The following NFATC1 variants were observed in gnomAD, a reference collection of about 807,000 sequenced individuals.
NFATC1 encodes the protein nuclear factor of activated T cells 1, also known as nuclear factor of activated T-cells, cytoplasmic 1.
In NFATC1, 22 loss-of-function variants were observed where a neutral mutation model predicts 76.0. The ratio of observed to expected loss-of-function variants is 0.29; its 90% CI spans 0.21 to 0.41. NFATC1 has a LOEUF of 0.41. NFATC1 is among the 10% of genes least tolerant of loss of function. The pLI is 1.00. For synonymous variants in NFATC1, 704 were observed against 613.1 expected, an observed-to-expected ratio of 1.15 and a Z score of -2.19; for missense variants, 1,357 against 1,337.7, an observed-to-expected ratio of 1.01 and a Z score of -0.23.
At chr18:79,497,802 C>T (rs901988120) in intron 9 of NFATC1, 1 of 151,036 alleles carries the variant, frequency 6.6e-6, no homozygotes, top group African/African-American at 2.5e-5. Flanking sequence ...AGGGAGGAGA[C>T]TGGCTTCGTG....
chr18:79,512,795 TGTGTCAGGGAG>T (rs2090289032), intron 9 of NFATC1, among the ~76,000 whole-genome samples: 2 of 152,214 alleles, frequency 1.3e-5, no homozygotes, highest in Non-Finnish European at 2.9e-5. Context: ...AGCCCCTGTA[TGTGTCAGGGAG>T]GTCCTGAGGG....
At chr18:79,461,923 G>A (rs73969287) in intron 7 of NFATC1, among the ~76,000 whole-genome samples, 11,008 of 152,302 alleles carry the variant, frequency 0.072, 1,283 homozygotes, top group African/African-American at 0.24. Context: ...GAGCCTGGGC[G>A]TGGCTCCTGG....
Position 79,486,303 on chromosome 18 carries a change from A to G in NFATC1, c.2148A>G (p.Gly716=). The part of the protein sequence containing the change: ...TDDYEPAPTC[G]PVSQGLSPLP... ...ATTATGAGCCTGCTCCAACCTGTGG[A>G]CCGGTGAGCCAGGGGTTAAGTCCTC... is the stretch of plus-strand genomic sequence containing the variant. Residue 716 remains glycine (G), a synonymous_variant, in exon 9 of 10, where the codon GGA becomes GGG. Transcript: ENST00000427363. The G allele has an allele frequency of 6.2e-7, 1 of 1,613,150 alleles. No individual in the cohort carries two copies. The highest frequency in any genetic ancestry group is 8.5e-7 in the Non-Finnish European group (1 of 1,179,958).
chr18:79,477,367 G>A (rs2089115188), intron 8 of NFATC1, among the ~76,000 whole-genome samples: 1 of 152,220 alleles, frequency 6.6e-6, no homozygotes, highest in Non-Finnish European at 1.5e-5. Context: ...TAAAAATGTG[G>A]GCATGGGGGA....
intron 2 of NFATC1, among the ~76,000 whole-genome samples, chr18:79,417,066 G>C (rs1047800011): frequency 2.0e-5 from 3 of 152,242 alleles, no homozygotes; most frequent in African/African-American, 7.2e-5. Context: ...GCGCAAGCCA[G>C]ACGGTCCCCA....
At chr18:79,467,366 C>T (rs568995837) in intron 7 of NFATC1, 84 bp from the exon 8 acceptor site, 3 of 1,353,670 alleles carry the variant, frequency 2.2e-6, no homozygotes, top group Admixed American at 2.6e-5. Context: ...CGTGGAAACG[C>T]GGGGTTGCCG....
chr18:79,508,591 C>T (rs1382827462), intron 9 of NFATC1, among the ~76,000 whole-genome samples: 1 of 152,100 alleles, frequency 6.6e-6, no homozygotes, highest in Non-Finnish European at 1.5e-5. Flanking sequence ...CCTCCCCTCT[C>T]TCTCGGTCTT....
intron 1 of NFATC1, chr18:79,400,483 G>A (rs1306901111): frequency 1.4e-6 from 2 of 1,477,814 alleles, no homozygotes; most frequent in Non-Finnish European, 1.8e-6. Context: ...GCCCCAGGTG[G>A]GTCAGTCCCG....
At chr18:79,463,049 G>A (rs769714237) in intron 7 of NFATC1, among the ~76,000 whole-genome samples, 12 of 152,220 alleles carry the variant, frequency 7.9e-5, no homozygotes, top group Non-Finnish European at 1.3e-4. Context: ...AGAAAGCAGC[G>A]TCTTCCACCC....
At position 79,464,283 on chromosome 18, in the gene NFATC1, C is replaced by T. The variant is rs182463381; in HGVS notation, c.1959+2917C>T. 3.8e-3 allele frequency among the ~76,000 whole-genome samples: 584 copies of T among 152,078 alleles called. 10 individuals are homozygous for T. The highest frequency in any genetic ancestry group is 0.012 in the African/African-American group (495 of 41,458). ...GTTTTTGTATTTTTTTTAGTAGAGA[C>T]GGGATTTCACCATGTTGTCCAGGCT... is the stretch of plus-strand genomic sequence containing the variant. On this transcript the variant is annotated intron_variant, in intron 7 of 9. Transcript: ENST00000427363.
intron 1 of NFATC1, among the ~76,000 whole-genome samples, chr18:79,406,788 T>G (rs749678572): frequency 1.2e-4 from 18 of 151,596 alleles, no homozygotes; most frequent in Admixed American, 7.2e-4. Flanking sequence ...CACCGCGCCT[T>G]CCTTCTGTCC....
chr18:79,407,829 G>T (rs995461398), intron 1 of NFATC1, among the ~76,000 whole-genome samples: 3 of 152,174 alleles, frequency 2.0e-5, no homozygotes, highest in Non-Finnish European at 4.4e-5. Context: ...ATTTCTTTAC[G>T]ATGGGGAAGG....
intron 9 of NFATC1, among the ~76,000 whole-genome samples, chr18:79,516,300 C>T (rs1218730675): frequency 1.1e-4 from 16 of 152,084 alleles, no homozygotes; most frequent in Non-Finnish European, 2.1e-4. Flanking sequence ...GGCCCTGTGG[C>T]GGTGGCTTAT....
rs556483074 is a variant in NFATC1 at position 79,512,504 on chromosome 18, A to G, written c.2783-15024A>G. ...GGCTAGGAACCGGAGCCGGAGCAGC[A>G]TCTGTGGCTCCACGAGGTCAGAGCC... On this transcript the variant is annotated intron_variant, in intron 9 of 9. Transcript: ENST00000427363. 2.6e-5 allele frequency among the ~76,000 whole-genome samples: 4 copies of G among 152,310 alleles called. No homozygotes were observed. In the East Asian group the frequency reaches 7.7e-4, roughly 29 times the overall value.
At chr18:79,411,709 T>A (rs2085693186) in intron 2 of NFATC1, among the ~76,000 whole-genome samples, 1 of 152,156 alleles carries the variant, frequency 6.6e-6, no homozygotes, top group South Asian at 2.1e-4. Context: ...CTTGTGCGCC[T>A]CGCCTCTGCC....
intron 2 of NFATC1, among the ~76,000 whole-genome samples, chr18:79,426,667 G>A (rs1355685416): frequency 6.6e-6 from 1 of 152,242 alleles, no homozygotes; most frequent in African/African-American, 2.4e-5. Context: ...GGGAAGCCCG[G>A]ACCCCCCTGT....
intron 2 of NFATC1, among the ~76,000 whole-genome samples, chr18:79,420,145 G>A (rs536809050): frequency 2.8e-4 from 43 of 152,318 alleles, no homozygotes; most frequent in African/African-American, 1.0e-3. Flanking sequence ...CGACAGATGT[G>A]TTTCCAGGCG....
At chr18:79,511,782 C>G (rs1252989403) in intron 9 of NFATC1, among the ~76,000 whole-genome samples, 1 of 151,984 alleles carries the variant, frequency 6.6e-6, no homozygotes, top group South Asian at 2.1e-4. Flanking sequence ...TGAGCTGGCC[C>G]GAGGAGAGCT....
rs560395885 is a variant in NFATC1, at chr18:79,512,489, C to T, written c.2783-15039C>T. 1.1e-4 allele frequency among the ~76,000 whole-genome samples: 17 copies of T among 152,328 alleles called. No homozygotes were observed. The South Asian group carries it at 2.3e-3, about 20-fold the overall frequency. ...AGGAGAAGCAACCCTGGCTAGGAACCGGAGCCGGAGCAGCATCTGTGGCTC... is the reference window on the plus strand; with the variant it reads ...AGGAGAAGCAACCCTGGCTAGGAACTGGAGCCGGAGCAGCATCTGTGGCTC... On this transcript the variant is annotated intron_variant, in intron 9 of 9. Coordinates refer to ENST00000427363, the MANE Select transcript of NFATC1 (RefSeq NM_001278669.2).
Sources: allele counts gnomAD v4.1 joint callset (sites outside exome capture counted in the v4.1 genomes callset), GRCh38; gene constraint gnomAD v4.1.1; transcripts MANE v1.5; gene names NCBI Gene and HGNC (gene_info 2026-07-23, HGNC 2026-07-21).